Variants in CUL5 observed in about 807,000 individuals in gnomAD.
The protein encoded by CUL5 is cullin-5.
CUL5 carries 26 observed loss-of-function variants against 108.8 expected under a neutral mutation model. The observed-to-expected ratio is 0.24, with a 90% CI of 0.18 to 0.33. The LOEUF is 0.33. CUL5 is among the 10% of genes least tolerant of loss of function. CUL5 has a pLI of 1.00. For synonymous variants in CUL5, 334 were observed against 298.0 expected, an observed-to-expected ratio of 1.12 and a Z score of -1.25; for missense variants, 524 against 909.2, an observed-to-expected ratio of 0.58 and a Z score of 5.45.
chr11:108,061,561 G>A (rs1863535937), intron 7 of CUL5, among the ~76,000 whole-genome samples: 1 of 152,124 alleles, frequency 6.6e-6, no homozygotes, highest in African/African-American at 2.4e-5. Flanking sequence ...AGATTCAACA[G>A]TTATCATTAT....
chr11:108,014,187 A>G (rs2135034095), intron 1 of CUL5, among the ~76,000 whole-genome samples: 1 of 152,332 alleles, frequency 6.6e-6, no homozygotes, highest in Admixed American at 6.5e-5. Context: ...ATTTTGAATA[A>G]AGTGTTGGAG....
chr11:108,099,687 G>A (rs1864600461), intron 18 of CUL5, among the ~76,000 whole-genome samples: 1 of 152,084 alleles, frequency 6.6e-6, no homozygotes, highest in African/African-American at 2.4e-5. Context: ...ACCCAATTAA[G>A]ATACAGAACA....
intron 5 of CUL5, among the ~76,000 whole-genome samples, chr11:108,053,659 C>T (rs1294749206): frequency 1.3e-5 from 2 of 150,352 alleles, no homozygotes; most frequent in African/African-American, 4.9e-5. Flanking sequence ...TCTACTTACC[C>T]CTTAAGTGGT....
intron 2 of CUL5, among the ~76,000 whole-genome samples, chr11:108,039,811 T>C (rs539028284): frequency 6.6e-6 from 1 of 152,376 alleles, no homozygotes; most frequent in Admixed American, 6.5e-5. Context: ...TTGTTGCTTC[T>C]ATAACTTTAT....
At chr11:108,067,430 C>G (rs1388964857) in intron 7 of CUL5, among the ~76,000 whole-genome samples, 1 of 151,774 alleles carries the variant, frequency 6.6e-6, no homozygotes, top group Non-Finnish European at 1.5e-5. Context: ...TATATTGTGG[C>G]TTAGAATATA....
At chr11:108,073,176 T>C (rs1213706794) in intron 9 of CUL5, among the ~76,000 whole-genome samples, 2 of 147,672 alleles carry the variant, frequency 1.4e-5, no homozygotes, top group Non-Finnish European at 3.0e-5. Context: ...CACTCCAGCC[T>C]GGGCGACAGA....
chr11:108,090,769 GGA>G (rs1157406187), intron 13 of CUL5, among the ~76,000 whole-genome samples: 10 of 151,610 alleles, frequency 6.6e-5, no homozygotes, highest in East Asian at 1.9e-4. Context: ...ACATATATAT[GGA>G]GAGAGAGAGA....
Position 108,078,165 on chromosome 11 carries a change from A to C in CUL5, c.1114-11A>C. 1 of 1,477,368 alleles carries C rather than the reference A, an allele frequency of 6.8e-7. No homozygotes were observed. Among genetic ancestry groups the C allele is most frequent in the Non-Finnish European group, 9.3e-7 (1 of 1,080,962 alleles). The allele number at this position is 1,477,368 out of a possible 1,614,324, so 91.5% of individuals were successfully genotyped here. A position where few individuals can be genotyped will look rare whatever the true frequency, so the allele number is the denominator to read the frequency against. ...TATTAAAAATATTTTATTCCAAATT[A>C]TTTTTTGCAGGCGTATAAAGCAGTT... On this transcript the variant is annotated splice_polypyrimidine_tract_variant and intron_variant, in intron 10 of 18. Coordinates refer to ENST00000393094, the MANE Select transcript of CUL5 (RefSeq NM_003478.6).
At chr11:108,091,732 C>G (rs145516532) in intron 13 of CUL5, among the ~76,000 whole-genome samples, 1 of 149,806 alleles carries the variant, frequency 6.7e-6, no homozygotes, top group Non-Finnish European at 1.5e-5. Flanking sequence ...CACACACACA[C>G]GACAAATAAT....
intron 7 of CUL5, among the ~76,000 whole-genome samples, chr11:108,067,251 T>C (rs1863708691): frequency 6.6e-6 from 1 of 152,216 alleles, no homozygotes; most frequent in Admixed American, 6.5e-5. Context: ...GGATACCTGT[T>C]ATAATAATTT....
chr11:108,023,822 T>A (rs947622674), intron 1 of CUL5, among the ~76,000 whole-genome samples: 1 of 152,226 alleles, frequency 6.6e-6, no homozygotes, highest in African/African-American at 2.4e-5. Flanking sequence ...TTGTTTGAAA[T>A]TTTTTTCTTT....
At chr11:108,094,703 A>G in intron 14 of CUL5, 109 bp from the exon 15 acceptor site, 1 of 959,220 alleles carries the variant, frequency 1.0e-6, no homozygotes, top group South Asian at 2.0e-5. Flanking sequence ...GGACACTTTT[A>G]ACAAAATCTT....
intron 11 of CUL5, among the ~76,000 whole-genome samples, chr11:108,080,544 T>C (rs1231897731): frequency 2.0e-5 from 3 of 152,152 alleles, no homozygotes; most frequent in African/African-American, 7.2e-5. Flanking sequence ...TACAGGTGTG[T>C]GCCACCACGC....
intron 1 of CUL5, among the ~76,000 whole-genome samples, chr11:108,013,438 C>A (rs1233358486): frequency 6.6e-6 from 1 of 152,178 alleles, no homozygotes; most frequent in Non-Finnish European, 1.5e-5. Flanking sequence ...TGAGATCTTT[C>A]CAGCTGGGTC....
chr11:108,095,179 C>A (rs531305715), intron 15 of CUL5, among the ~76,000 whole-genome samples, 192 bp downstream of exon 15: 6 of 152,140 alleles, frequency 3.9e-5, no homozygotes, highest in African/African-American at 1.2e-4. Flanking sequence ...AAGATACTGC[C>A]GTTGTCTACA....
At chr11:108,102,694 C>G (rs1027075382) in intron 18 of CUL5, among the ~76,000 whole-genome samples, 1 of 152,116 alleles carries the variant, frequency 6.6e-6, no homozygotes, top group Non-Finnish European at 1.5e-5. Flanking sequence ...TGCCTGACTC[C>G]CAAGTCTGTT....
intron 1 of CUL5, among the ~76,000 whole-genome samples, chr11:108,011,445 A>G (rs1344110576): frequency 6.6e-6 from 1 of 152,222 alleles, no homozygotes; most frequent in Non-Finnish European, 1.5e-5. Context: ...CTTAGGGTTT[A>G]GGTTTAAAAG....
In CUL5 at chr11:108,101,292, A is replaced by T. The variant is rs1404747398; in HGVS notation, c.2148+2763A>T. 2.0e-5 allele frequency among the ~76,000 whole-genome samples: 3 copies of T among 152,366 alleles called. No homozygotes were observed. The South Asian group carries it at 6.2e-4, about 32-fold the overall frequency. ...TGGTAATGACAGTAAAGGGAGTGTC[A>T]TATCTATGCAGTTATGACAGTGTCC... On this transcript the variant is annotated intron_variant, in intron 18 of 18. Coordinates refer to ENST00000393094, the MANE Select transcript of CUL5 (RefSeq NM_003478.6).
intron 7 of CUL5, among the ~76,000 whole-genome samples, chr11:108,064,169 G>A (rs1180253903): frequency 2.6e-5 from 4 of 152,164 alleles, no homozygotes; most frequent in Non-Finnish European, 5.9e-5. Context: ...GGTCTCTCAT[G>A]TGGCTTTTAT....
Sources: allele counts gnomAD v4.1 joint callset (sites outside exome capture counted in the v4.1 genomes callset), GRCh38; gene constraint gnomAD v4.1.1; transcripts MANE v1.5; gene names NCBI Gene and HGNC (gene_info 2026-07-23, HGNC 2026-07-21).